The following PIAS1 variants were observed in gnomAD, a reference collection of about 807,000 sequenced individuals.
PIAS1 encodes E3 SUMO-protein ligase PIAS1.
In PIAS1, 6 loss-of-function variants were observed where a neutral mutation model predicts 71.3. The ratio of observed to expected loss-of-function variants is 0.08; its 90% confidence interval spans 0.05 to 0.17. PIAS1 has a LOEUF of 0.17. PIAS1 is among the 10% of genes least tolerant of loss of function. The pLI, the probability that PIAS1 is intolerant of heterozygous loss-of-function variation, is 1.00. For missense variants in PIAS1, 555 were observed against 793.6 expected (o/e 0.70, Z 3.61); for synonymous variants, 303 against 292.9 (o/e 1.03, Z -0.35).
chr15:68,155,449 T>A (rs77743162), intron 7 of PIAS1, among the ~76,000 whole-genome samples: 23 of 103,318 alleles, frequency 2.2e-4, no homozygotes, highest in African/African-American at 4.8e-4. Flanking sequence ...ATGCTGCCTG[T>A]AAAAAAAAAA....
intron 7 of PIAS1, among the ~76,000 whole-genome samples, chr15:68,157,333 A>C (rs890801986): frequency 6.6e-6 from 1 of 152,056 alleles, no homozygotes; most frequent in Non-Finnish European, 1.5e-5. Flanking sequence ...TGTGCTGTCA[A>C]GACTCTTTTA....
In PIAS1 at chr15:68,059,959, T is replaced by C. The variant is rs543351453; in HGVS notation, c.24+5609T>C. 7.6e-4 allele frequency among the ~76,000 whole-genome samples: 116 copies of C among 152,300 alleles called. 1 individual carries two copies. The highest frequency in any genetic ancestry group is 1.1e-3 in the Non-Finnish European group (77 of 68,032). ...CTAAAATGTTGTCAGTGAAATAAAT[T>C]AGTCATTCTTGGTTTGTTCATTGTC... On this transcript the variant is annotated intron_variant, in intron 1 of 13. Transcript: ENST00000249636.
chr15:68,095,999 C>T (rs937097187), intron 2 of PIAS1, among the ~76,000 whole-genome samples: 1 of 151,812 alleles, frequency 6.6e-6, no homozygotes, highest in Non-Finnish European at 1.5e-5. Flanking sequence ...CAAAAGAAAC[C>T]GAATGTTGGA....
At chr15:68,176,973 G>A (rs956406232) in intron 11 of PIAS1, among the ~76,000 whole-genome samples, 1 of 152,076 alleles carries the variant, frequency 6.6e-6, no homozygotes, top group Non-Finnish European at 1.5e-5. Flanking sequence ...GTCAGGAGTA[G>A]AGACTAAGAA....
chr15:68,058,710 C>T (rs117739556), intron 1 of PIAS1, among the ~76,000 whole-genome samples: 1 of 152,160 alleles, frequency 6.6e-6, no homozygotes, highest in Non-Finnish European at 1.5e-5. Context: ...TTGTAAGTAT[C>T]ATTTTGCTTG....
In PIAS1 at chr15:68,146,684, C is replaced by A. The variant is rs1338439773; in HGVS notation, c.812C>A (p.Thr271Asn). 6.2e-7 allele frequency: 1 copy of A among 1,608,720 alleles called. No individual in the cohort carries two copies. The highest frequency in any genetic ancestry group is 1.7e-5 in the Admixed American group (1 of 59,814). The change falls in exon 6 of 14, where the codon ACT becomes AAT. Residue 271 changes from threonine (T) to asparagine (N), a missense_variant. Transcript: ENST00000249636. Reference sequence around the variant, plus strand: ...CCAAACACGATTGTTGTTTCTTGGACTGCAGAAATTGGAAGAGTAAGTAAA... The same window carrying A: ...CCAAACACGATTGTTGTTTCTTGGAATGCAGAAATTGGAAGAGTAAGTAAA... ...TVPNTIVVSW[T>N]AEIGRNYSMA...
chr15:68,073,219 G>C (rs550175267), intron 1 of PIAS1, among the ~76,000 whole-genome samples: 6 of 152,122 alleles, frequency 3.9e-5, no homozygotes, highest in African/African-American at 1.4e-4. Context: ...GGGTTTCACT[G>C]TATTAGCCAG....
intron 7 of PIAS1, among the ~76,000 whole-genome samples, chr15:68,157,197 G>C (rs948094835): frequency 6.6e-6 from 1 of 152,170 alleles, no homozygotes; most frequent in Non-Finnish European, 1.5e-5. Context: ...TGTGGTGTTT[G>C]AGATGGGATG....
Position 68,092,290 on chromosome 15 carries a change from G to A in PIAS1, c.469+5540G>A, listed in dbSNP as rs532573665. Among the ~76,000 whole-genome samples, 9 of 151,808 alleles carry A rather than the reference G, an allele frequency of 5.9e-5. No homozygotes were observed. In the East Asian group the frequency reaches 1.2e-3, roughly 20 times the overall value. ...CTGGCTCAAGCGATCCTCCCACCTC[G>A]CCTCCTGAGTAGCTGGGACGACAGG... On this transcript the variant is annotated intron_variant, in intron 2 of 13. Coordinates refer to ENST00000249636, the MANE Select transcript of PIAS1 (RefSeq NM_016166.3).
intron 6 of PIAS1, among the ~76,000 whole-genome samples, chr15:68,147,710 T>C (rs2092818065): frequency 6.6e-6 from 1 of 152,184 alleles, no homozygotes; most frequent in South Asian, 2.1e-4. Flanking sequence ...TATTTTACCT[T>C]TAAATATTTA....
chr15:68,080,110 G>C (rs908076582), intron 1 of PIAS1, among the ~76,000 whole-genome samples: 2 of 152,196 alleles, frequency 1.3e-5, no homozygotes, highest in African/African-American at 4.8e-5. Flanking sequence ...GGGATTACAG[G>C]CCTGAGCCAC....
Position 68,174,019 on chromosome 15 carries a change from A to G in PIAS1, c.1169+127A>G. ...AGGATTTTTGTGAGTCTGCAAACCA[A>G]TATTTTCAAAGTAATTTATTTCAAA... On this transcript the variant is annotated intron_variant, in intron 9 of 13. Transcript: ENST00000249636. This position sits in a 1 kb window ranked among gnomAD's most constrained non-coding sequence, Gnocchi z 4.0. 4.2e-6 allele frequency: 2 copies of G among 478,862 alleles called. No homozygotes were observed. Among genetic ancestry groups the G allele is most frequent in the Non-Finnish European group, 7.0e-6 (2 of 285,502 alleles). The allele number at this position is 478,862 out of a possible 1,614,324, so 29.7% of individuals were successfully genotyped here.
chr15:68,098,627 C>A (rs2092397750), intron 2 of PIAS1, among the ~76,000 whole-genome samples: 1 of 152,156 alleles, frequency 6.6e-6, no homozygotes, highest in South Asian at 2.1e-4. Flanking sequence ...GTCCCTCTTT[C>A]ACCCTTATTT....
chr15:68,173,592 A>G lies in PIAS1; in HGVS notation c.1009-140A>G, dbSNP rs2093004658. ...GGATATTTCACAGGAAATGTGTTTA[A>G]TGTTCTTCTACATTGATGAAAAGTC... On this transcript the variant is annotated intron_variant, in intron 8 of 13. Coordinates refer to ENST00000249636, the MANE Select transcript of PIAS1 (RefSeq NM_016166.3). The surrounding 1 kb of genome is among the most constrained non-coding windows in gnomAD (Gnocchi z 4.3). 1 of 461,974 alleles carries G rather than the reference A, an allele frequency of 2.2e-6. No homozygotes were observed. Among genetic ancestry groups the G allele is most frequent in the Non-Finnish European group, 3.8e-6 (1 of 264,498 alleles). 28.6% of individuals were successfully genotyped at this position (461,974 alleles called of 1,614,324 possible).
At chr15:68,081,725 G>T (rs2092231268) in intron 1 of PIAS1, among the ~76,000 whole-genome samples, 1 of 152,064 alleles carries the variant, frequency 6.6e-6, no homozygotes, top group South Asian at 2.1e-4. Context: ...CAAGGAAAAA[G>T]AAAATAGAGT....
intron 2 of PIAS1, among the ~76,000 whole-genome samples, chr15:68,101,833 C>T (rs1366819380): frequency 6.6e-6 from 1 of 152,190 alleles, no homozygotes; most frequent in Admixed American, 6.5e-5. Context: ...TCACTGCAGC[C>T]TTGAACTGCT....
At chr15:68,153,288 A>G (rs2141062610) in intron 6 of PIAS1, among the ~76,000 whole-genome samples, 1 of 152,328 alleles carries the variant, frequency 6.6e-6, no homozygotes, top group South Asian at 2.1e-4. Flanking sequence ...AGGTAATATT[A>G]AATCCAAGAC....
Position 68,177,063 on chromosome 15 carries a change from C to T in PIAS1, c.1481+409C>T, listed in dbSNP as rs190331563. Among the ~76,000 whole-genome samples, 370 of 151,976 alleles carry T rather than the reference C, an allele frequency of 2.4e-3. 1 individual carries two copies. Among genetic ancestry groups the T allele is most frequent in the African/African-American group, 8.8e-3 (363 of 41,470 alleles). On this transcript the variant is annotated intron_variant, in intron 11 of 13. Coordinates refer to ENST00000249636, the MANE Select transcript of PIAS1 (RefSeq NM_016166.3). ...GGGAGGCTGAGGCAGGTGGATTGTC[C>T]AAGCTCAGGAGTTTGAGACCAGCCT...
At chr15:68,055,270 T>C in intron 1 of PIAS1, 1 of 917,546 alleles carries the variant, frequency 1.1e-6, no homozygotes, top group South Asian at 5.0e-5. Context: ...TTGCCTTTTG[T>C]TTGTAGGGAC....
Sources: gnomAD v4.1 joint callset for allele counts (sites outside exome capture counted in the v4.1 genomes callset) on GRCh38, gnomAD v4.1.1 for gene constraint, Gnocchi (gnomAD v3.1) non-coding constraint, MANE v1.5 for transcripts, NCBI Gene and HGNC (gene_info 2026-07-23, HGNC 2026-07-21) for gene names.